Variants in ALKAL1 observed in about 807,000 individuals in gnomAD.
ALKAL1 encodes the protein AUG-beta.
ALKAL1 carries 23 observed loss-of-function variants against 13.5 expected under a neutral mutation model. The ratio of observed to expected loss-of-function variants is 1.70; its 90% CI spans 1.23 to 2.41. ALKAL1 has a LOEUF of 2.41. Ranked by LOEUF, ALKAL1 falls within the 30% of genes most tolerant of loss-of-function variation. The probability of loss-of-function intolerance (pLI) is 0.00; values close to 1 mark genes in which losing one functional copy is unlikely to be tolerated. For synonymous variants in ALKAL1, 85 were observed against 77.7 expected (o/e 1.09, Z -0.49); for missense variants, 181 against 178.4 (o/e 1.01, Z -0.08).
chr8:52,550,757 T>G (rs1847420982), intron 1 of ALKAL1, among the ~76,000 whole-genome samples: 1 of 152,194 alleles, frequency 6.6e-6, no homozygotes. Flanking sequence ...CTCCAATCTC[T>G]GCCTTCATTG....
chr8:52,552,908 G>A (rs187187891), intron 1 of ALKAL1, among the ~76,000 whole-genome samples: 3 of 152,270 alleles, frequency 2.0e-5, no homozygotes, highest in Admixed American at 2.0e-4. Flanking sequence ...CCAAGATCAG[G>A]GCATTTGGTG....
rs552927321 is a variant in ALKAL1, at chr8:52,559,366, G to A, written c.190+5701C>T. ...GTGGGTACATGCAAGGATGGAGGGA[G>A]GGCAGACAGTGAGCTACTGAACCAG... On this transcript the variant is annotated intron_variant, in intron 1 of 4. Transcript: ENST00000358543. 3.9e-5 allele frequency among the ~76,000 whole-genome samples: 6 copies of A among 152,260 alleles called. No individual in the cohort carries two copies. In the East Asian group the frequency reaches 1.2e-3, roughly 29 times the overall value.
At chr8:52,554,662 T>C (rs1430858895) in intron 1 of ALKAL1, among the ~76,000 whole-genome samples, 1 of 152,096 alleles carries the variant, frequency 6.6e-6, no homozygotes, top group East Asian at 1.9e-4. Context: ...GAAGATACCT[T>C]TTGGAATCTT....
At chr8:52,535,319 G>A (rs995664339) in intron 4 of ALKAL1, among the ~76,000 whole-genome samples, 3 of 151,720 alleles carry the variant, frequency 2.0e-5, no homozygotes, top group Non-Finnish European at 4.4e-5. Context: ...CAGCCAAGAT[G>A]GGAGGATCAC....
intron 1 of ALKAL1, 56 bp from the exon 2 acceptor site, chr8:52,542,501 A>G: frequency 9.8e-7 from 1 of 1,024,296 alleles, no homozygotes; most frequent in Non-Finnish European, 1.5e-6. Context: ...CCCATTTAAA[A>G]ATATCCTTAA....
chr8:52,538,118 G>A (rs542186098), intron 4 of ALKAL1, among the ~76,000 whole-genome samples: 31 of 151,676 alleles, frequency 2.0e-4, no homozygotes, highest in African/African-American at 7.5e-4. Flanking sequence ...AAAGAGGAGT[G>A]GGGAGGCGCA....
chr8:52,559,287 C>A, intron 1 of ALKAL1, among the ~76,000 whole-genome samples: 1 of 152,118 alleles, frequency 6.6e-6, no homozygotes, highest in Non-Finnish European at 1.5e-5. Context: ...ACCAAGGAAG[C>A]CTTTTTTCAC....
chr8:52,538,941 G>A (rs1330729691), intron 3 of ALKAL1, among the ~76,000 whole-genome samples: 1 of 151,308 alleles, frequency 6.6e-6, no homozygotes, highest in Non-Finnish European at 1.5e-5. Flanking sequence ...TTAGAAGCCG[G>A]GTTGTAAGAC....
chr8:52,542,411 T>A lies in ALKAL1; in HGVS notation c.225A>T (p.Lys75Asn). 1 of 1,551,930 alleles carries A rather than the reference T, an allele frequency of 6.4e-7. No individual in the cohort carries two copies. Among genetic ancestry groups the A allele is most frequent in the Non-Finnish European group, 8.8e-7 (1 of 1,130,664 alleles). Residue 75 changes from lysine (K) to asparagine (N), a missense_variant, in exon 2 of 5, where the codon AAA becomes AAT. Lys to Asn is a moderately conservative substitution (Grantham distance 94). Transcript: ENST00000358543. ...IFPRDSNLKD[K>N]FIKHFTGPVT... ...ACTTACCTGTGAAATGCTTTATGAA[T>A]TTGTCTTTTAAGTTAGAGTCTCTTG...
intron 2 of ALKAL1, 107 bp downstream of exon 2, chr8:52,542,285 T>C (rs1847321550): frequency 1.4e-6 from 1 of 700,066 alleles, no homozygotes; most frequent in Non-Finnish European, 2.4e-6. Context: ...AACTGGACCA[T>C]GAGTCCCCTA....
chr8:52,555,172 GAA>G (rs1228769801), intron 1 of ALKAL1, among the ~76,000 whole-genome samples: 2 of 110,070 alleles, frequency 1.8e-5, no homozygotes, highest in Non-Finnish European at 1.9e-5. Flanking sequence ...CTCTGTCTCA[GAA>G]AAAAAAAAAA....
At chr8:52,558,571 T>G (rs1252000097) in intron 1 of ALKAL1, among the ~76,000 whole-genome samples, 1 of 152,182 alleles carries the variant, frequency 6.6e-6, no homozygotes, top group Admixed American at 6.5e-5. Flanking sequence ...TGTTCACCTT[T>G]CCTTCTCTCT....
chr8:52,538,348 T>A (rs1462376700), intron 4 of ALKAL1, 83 bp downstream of exon 4: 2 of 761,598 alleles, frequency 2.6e-6, no homozygotes, highest in Non-Finnish European at 2.2e-6. Flanking sequence ...AATCATTATG[T>A]GTCAACTAAA....
intron 1 of ALKAL1, among the ~76,000 whole-genome samples, chr8:52,544,958 C>G (rs899338875): frequency 6.6e-6 from 1 of 152,086 alleles, no homozygotes; most frequent in Non-Finnish European, 1.5e-5. Flanking sequence ...CTCTGTTGCC[C>G]AGGCTGGGGT....
intron 1 of ALKAL1, among the ~76,000 whole-genome samples, chr8:52,560,884 A>C (rs1847543039): frequency 1.3e-5 from 2 of 152,098 alleles, no homozygotes; most frequent in African/African-American, 4.8e-5. Flanking sequence ...TTTCACTTTG[A>C]CCTCTCCCCA....
chr8:52,563,994 G>A (rs917546016), intron 1 of ALKAL1, among the ~76,000 whole-genome samples: 3 of 152,258 alleles, frequency 2.0e-5, no homozygotes, highest in Non-Finnish European at 4.4e-5. Flanking sequence ...GAGTGAATAA[G>A]TATATATTTA....
chr8:52,541,916 C>T (rs528816524), intron 2 of ALKAL1, among the ~76,000 whole-genome samples: 10 of 152,110 alleles, frequency 6.6e-5, no homozygotes, highest in South Asian at 2.1e-4. Flanking sequence ...TTAAGATTAT[C>T]CACAACATGA....
chr8:52,538,435 T>A lies in ALKAL1; in HGVS notation c.*8A>T. On this transcript the variant is annotated 3_prime_UTR_variant, in exon 4 of 5. Transcript: ENST00000358543. ...GAAAAATAAATATATACTCACAGGG[T>A]AGTTTTGCTAGGTCTGGGAGCACAG... 1.3e-6 allele frequency: 2 copies of A among 1,561,276 alleles called. No homozygotes were observed. Among genetic ancestry groups the A allele is most frequent in the South Asian group, 1.1e-5 (1 of 89,168 alleles).
intron 1 of ALKAL1, among the ~76,000 whole-genome samples, chr8:52,557,132 TCTC>T (rs1847492768): frequency 6.6e-6 from 1 of 152,136 alleles, no homozygotes; most frequent in African/African-American, 2.4e-5. Context: ...CAATAGAAAA[TCTC>T]CTATAAACAA....
Sources: allele counts gnomAD v4.1 joint callset (sites outside exome capture counted in the v4.1 genomes callset), GRCh38; gene constraint gnomAD v4.1.1; transcripts MANE v1.5; gene names NCBI Gene and HGNC (gene_info 2026-07-23, HGNC 2026-07-21).